TMEM255B: variants seen among roughly 807,000 people sequenced by gnomAD.
TMEM255B encodes the protein family with sequence similarity 70, member B.
In TMEM255B, 35 loss-of-function variants were observed where a neutral mutation model predicts 34.5. That is an observed-to-expected ratio of 1.01 (90% confidence interval 0.77 to 1.34). TMEM255B has a LOEUF of 1.34. Among genes scored for constraint, TMEM255B ranks in the 40% most tolerant of loss-of-function variants. The pLI, the probability that TMEM255B is intolerant of heterozygous loss-of-function variation, is 0.00. For synonymous variants in TMEM255B, 206 were observed against 201.2 expected (o/e 1.02, Z -0.20); for missense variants, 432 against 433.2 (o/e 1.00, Z 0.02).
At chr13:113,762,005 T>C (rs1185803211) in intron 1 of TMEM255B, among the ~76,000 whole-genome samples, 1 of 152,006 alleles carries the variant, frequency 6.6e-6, no homozygotes, top group Non-Finnish European at 1.5e-5. Context: ...AAGCTGCCTC[T>C]GCAATAGAAA....
chr13:113,792,003 C>T (rs953798364), intron 3 of TMEM255B, among the ~76,000 whole-genome samples: 2 of 152,230 alleles, frequency 1.3e-5, no homozygotes, highest in African/African-American at 4.8e-5. Context: ...GAACATCCCC[C>T]GGAACTGCGG....
chr13:113,771,620 G>A (rs767286996), intron 3 of TMEM255B, among the ~76,000 whole-genome samples: 8 of 152,034 alleles, frequency 5.3e-5, no homozygotes, highest in East Asian at 1.9e-4. Flanking sequence ...CAGAGGTTGC[G>A]GTGAGCCGAG....
rs11619248 is a variant in TMEM255B, at chr13:113,816,641, G to C, written c.*4738G>C. 22,464 of 152,160 alleles carry C rather than the reference G, an allele frequency of 0.15. 1,713 individuals are homozygous for C. The highest frequency in any genetic ancestry group is 0.23 in the Middle Eastern group (68 of 294). The allele number at this position is 152,160 out of a possible 1,614,324, so 9.4% of individuals were successfully genotyped here. On this transcript the variant is annotated 3_prime_UTR_variant, in exon 9 of 9. Transcript: ENST00000375353. ...CCGTGGCCACCAGACCCCGCGGTGG[G>C]AGCAGAGATGCCTCCGAAACTCTGG...
chr13:113,769,996 C>G lies in TMEM255B; in HGVS notation c.252+836C>G, dbSNP rs2050452041. ...CGGGCCCCCAACCCCTGCCTGTTCC[C>G]AGTTCCCAGGCCGAGAGGGAGGGTG... is the stretch of plus-strand genomic sequence containing the variant. On this transcript the variant is annotated intron_variant, in intron 3 of 8. Transcript: ENST00000375353. This position sits in a 1 kb window ranked among gnomAD's most constrained non-coding sequence, Gnocchi z 4.2. Among the ~76,000 whole-genome samples the G allele has an allele frequency of 6.6e-6, 1 of 152,176 alleles. No homozygotes were observed. The highest frequency in any genetic ancestry group is 2.4e-5 in the African/African-American group (1 of 41,438).
At chr13:113,782,060 A>G (rs931599558) in intron 3 of TMEM255B, among the ~76,000 whole-genome samples, 7 of 152,228 alleles carry the variant, frequency 4.6e-5, no homozygotes, top group African/African-American at 1.7e-4. Context: ...ATCTAAAAGC[A>G]TTTAATAAAC....
intron 5 of TMEM255B, 130 bp downstream of exon 5, chr13:113,799,549 C>T (rs1164015882): frequency 2.2e-5 from 18 of 825,650 alleles, no homozygotes; most frequent in Non-Finnish European, 3.5e-5. Flanking sequence ...ACCCCTGCAG[C>T]TGGTGAACCG....
chr13:113,801,516 C>A (rs948490924), intron 6 of TMEM255B, 137 bp from the exon 7 acceptor site: 28 of 1,025,908 alleles, frequency 2.7e-5, no homozygotes, highest in Non-Finnish European at 3.7e-5. Context: ...CAGAGCAGTG[C>A]AGGGATGGGC....
intron 3 of TMEM255B, among the ~76,000 whole-genome samples, chr13:113,781,890 AT>A (rs1401440765): frequency 1.3e-5 from 2 of 152,206 alleles, no homozygotes; most frequent in Non-Finnish European, 2.9e-5. Context: ...CAGGACAAAA[AT>A]TTATCATACA....
chr13:113,803,655 C>A (rs1282071677), intron 7 of TMEM255B, among the ~76,000 whole-genome samples: 1 of 118,436 alleles, frequency 8.4e-6, no homozygotes, highest in African/African-American at 2.9e-5. Context: ...CCCTCCCTCA[C>A]GGAGCACGAC....
intron 3 of TMEM255B, among the ~76,000 whole-genome samples, chr13:113,774,583 C>CA (rs2050530335): frequency 7.0e-6 from 1 of 143,200 alleles, no homozygotes; most frequent in Non-Finnish European, 1.5e-5. Flanking sequence ...GACACACACA[C>CA]CACACAACAC....
intron 3 of TMEM255B, among the ~76,000 whole-genome samples, chr13:113,784,602 A>G (rs113802960): frequency 0.016 from 2,414 of 152,240 alleles, 42 homozygotes; most frequent in African/African-American, 0.055. Flanking sequence ...GAAGGGTTAG[A>G]GAGTGAAATG....
chr13:113,784,528 A>C (rs900347592), intron 3 of TMEM255B, among the ~76,000 whole-genome samples: 23 of 152,112 alleles, frequency 1.5e-4, no homozygotes, highest in African/African-American at 5.5e-4. Context: ...AGAGAGAAGG[A>C]TATGAAGAGG....
intron 3 of TMEM255B, among the ~76,000 whole-genome samples, chr13:113,791,678 T>A (rs1328214225): frequency 6.6e-6 from 1 of 152,222 alleles, no homozygotes; most frequent in East Asian, 1.9e-4. Flanking sequence ...GATGATGATG[T>A]CACAGTTGTG....
rs151112808 is a variant in TMEM255B at position 113,796,957 on chromosome 13, GCACA to G, written c.342+1728_342+1731del. On this transcript the variant is annotated intron_variant, in intron 4 of 8. Coordinates refer to ENST00000375353, the MANE Select transcript of TMEM255B (RefSeq NM_182614.4). ...ACGGCCCACATGCTCACACTCGCGCGCACACACACACTCCCACGGAGGTGCGTCA... is the reference window on the plus strand; with the variant it reads ...ACGGCCCACATGCTCACACTCGCGCGCACACACTCCCACGGAGGTGCGTCA... Among the ~76,000 whole-genome samples the G allele has an allele frequency of 6.6e-3, 997 of 152,036 alleles. 16 individuals carry two copies. Among genetic ancestry groups the G allele is most frequent in the African/African-American group, 0.023 (937 of 41,452 alleles).
chr13:113,809,196 G>GT (rs1233769420), intron 8 of TMEM255B, among the ~76,000 whole-genome samples: 4 of 124,006 alleles, frequency 3.2e-5, no homozygotes, highest in Non-Finnish European at 5.1e-5. Flanking sequence ...TTACTCCATG[G>GT]TCCTGGGGGT....
intron 3 of TMEM255B, among the ~76,000 whole-genome samples, chr13:113,792,960 C>T (rs769729715): frequency 1.3e-5 from 2 of 152,244 alleles, no homozygotes; most frequent in Non-Finnish European, 2.9e-5. Flanking sequence ...CCCGTGGGGA[C>T]GCTGGAGCGT....
At position 113,812,392 on chromosome 13, in the gene TMEM255B, C is replaced by T. The variant is rs1030378163; in HGVS notation, c.*489C>T. On this transcript the variant is annotated 3_prime_UTR_variant, in exon 9 of 9. Transcript: ENST00000375353. ...CTGACGTATGCCAGGAAGGGAAGGA[C>T]GCTTCGGCTCCAACGCCCAGCGCTG... The T allele has an allele frequency of 1.2e-4, 19 of 160,132 alleles. No individual in the cohort carries two copies. The highest frequency in any genetic ancestry group is 2.4e-4 in the Admixed American group (4 of 16,862). The allele number at this position is 160,132 out of a possible 1,614,324, so 9.9% of individuals were successfully genotyped here. A position where few individuals can be genotyped will look rare whatever the true frequency, so the allele number is the denominator to read the frequency against.
At chr13:113,804,761 C>G (rs920261971) in intron 7 of TMEM255B, 124 bp from the exon 8 acceptor site, 1 of 721,080 alleles carries the variant, frequency 1.4e-6, no homozygotes, top group Non-Finnish European at 2.0e-6. Context: ...AAACGCACGC[C>G]GGGCCGGGGT....
intron 4 of TMEM255B, among the ~76,000 whole-genome samples, chr13:113,797,479 G>A (rs2138568578): frequency 6.6e-6 from 1 of 152,314 alleles, no homozygotes; most frequent in East Asian, 1.9e-4. Context: ...CTCCCAGCAG[G>A]AGCCTCTGTC....
Sources: gnomAD v4.1 joint callset for allele counts (sites outside exome capture counted in the v4.1 genomes callset) on GRCh38, gnomAD v4.1.1 for gene constraint, Gnocchi (gnomAD v3.1) non-coding constraint, MANE v1.5 for transcripts, NCBI Gene and HGNC (gene_info 2026-07-23, HGNC 2026-07-21) for gene names.